Variants in TNIK observed in about 807,000 individuals in gnomAD.
TNIK encodes the protein TRAF2 and NCK-interacting protein kinase.
Under a neutral mutation model 191.3 loss-of-function variants are expected in TNIK, and 49 were observed. The observed-to-expected ratio is 0.26, with a 90% CI of 0.20 to 0.32. The LOEUF is 0.32. Among genes scored for constraint, TNIK ranks in the 10% least tolerant of loss-of-function variants. TNIK has a pLI of 1.00. For missense variants in TNIK, 1,155 were observed against 1,702.3 expected (o/e 0.68, Z 5.66); for synonymous variants, 594 against 600.9 (o/e 0.99, Z 0.17).
chr3:171,357,413 C>T (rs780095676), intron 2 of TNIK, among the ~76,000 whole-genome samples: 9 of 151,864 alleles, frequency 5.9e-5, no homozygotes, highest in African/African-American at 9.7e-5. Flanking sequence ...CTCAGCCTCC[C>T]GAGTAGCTGG....
At chr3:171,392,304 C>G (rs573732526) in intron 1 of TNIK, among the ~76,000 whole-genome samples, 12 of 152,082 alleles carry the variant, frequency 7.9e-5, no homozygotes. Context: ...AAGGGTGATT[C>G]CAGAAATTTA....
intron 1 of TNIK, among the ~76,000 whole-genome samples, chr3:171,414,116 G>A (rs1223048983): frequency 2.6e-5 from 4 of 152,010 alleles, no homozygotes; most frequent in East Asian, 1.9e-4. Context: ...TAACTTAGAC[G>A]TACCAATCCT....
chr3:171,076,564 T>C (rs973713038), intron 28 of TNIK, among the ~76,000 whole-genome samples: 3 of 152,240 alleles, frequency 2.0e-5, no homozygotes, highest in African/African-American at 2.4e-5. Flanking sequence ...ATTGTCATTC[T>C]TTATGTTAAA....
chr3:171,253,214 G>A (rs772747792), intron 2 of TNIK, among the ~76,000 whole-genome samples: 26 of 149,844 alleles, frequency 1.7e-4, no homozygotes, highest in Non-Finnish European at 2.7e-4. Flanking sequence ...AACCCAGGAG[G>A]CGGAACTTGC....
At chr3:171,218,852 CA>C (rs1347694876) in intron 3 of TNIK, among the ~76,000 whole-genome samples, 1 of 91,264 alleles carries the variant, frequency 1.1e-5, no homozygotes, top group Non-Finnish European at 1.9e-5. Context: ...ATATATATTA[CA>C]TATATTTAAT....
intron 2 of TNIK, among the ~76,000 whole-genome samples, chr3:171,319,405 G>A (rs1238305846): frequency 6.6e-6 from 1 of 152,054 alleles, no homozygotes; most frequent in Non-Finnish European, 1.5e-5. Flanking sequence ...TACAAAGAGT[G>A]TTTTTCCCCT....
intron 2 of TNIK, among the ~76,000 whole-genome samples, chr3:171,301,655 A>T (rs1752897117): frequency 6.6e-6 from 1 of 152,208 alleles, no homozygotes; most frequent in Admixed American, 6.5e-5. Flanking sequence ...TTATTAGATA[A>T]GACATAAATG....
chr3:171,066,522 T>G (rs1236213497), intron 31 of TNIK, 54 bp downstream of exon 31: 1 of 1,609,152 alleles, frequency 6.2e-7, no homozygotes, highest in African/African-American at 1.3e-5. Context: ...TTCTTGATTT[T>G]CGTTTCATTT....
At chr3:171,246,669 A>G (rs1276273909) in intron 2 of TNIK, among the ~76,000 whole-genome samples, 1 of 152,212 alleles carries the variant, frequency 6.6e-6, no homozygotes, top group African/African-American at 2.4e-5. Flanking sequence ...ATATTTTCAG[A>G]GTTCACTTAC....
chr3:171,346,937 T>C (rs1388983720), intron 2 of TNIK: 3 of 500,014 alleles, frequency 6.0e-6, no homozygotes, highest in Non-Finnish European at 1.0e-5. Flanking sequence ...AGAGACATGA[T>C]CAAATAAGCA....
chr3:171,396,602 C>T (rs1025129911), intron 1 of TNIK, among the ~76,000 whole-genome samples: 2 of 152,188 alleles, frequency 1.3e-5, no homozygotes, highest in African/African-American at 2.4e-5. Context: ...CTAAACCAAC[C>T]TATTCAGCCA....
intron 2 of TNIK, among the ~76,000 whole-genome samples, chr3:171,306,499 G>T (rs1438126234): frequency 6.6e-6 from 1 of 152,146 alleles, no homozygotes; most frequent in Non-Finnish European, 1.5e-5. Context: ...AGGAAGGCAG[G>T]TTATAGATGC....
intron 2 of TNIK, among the ~76,000 whole-genome samples, chr3:171,341,370 G>A (rs1049789521): frequency 5.3e-5 from 8 of 151,248 alleles, no homozygotes; most frequent in Non-Finnish European, 7.4e-5. Flanking sequence ...TATTTGGGAG[G>A]CTGAGGCAGG....
At chr3:171,229,431 G>A (rs544199335) in intron 2 of TNIK, among the ~76,000 whole-genome samples, 86 of 152,340 alleles carry the variant, frequency 5.6e-4, no homozygotes, top group Admixed American at 2.8e-3. Flanking sequence ...TAATTGTGGT[G>A]TGGAAAAAGT....
chr3:171,110,905 A>G, intron 18 of TNIK, 28 bp from the exon 19 acceptor site: 1 of 1,574,950 alleles, frequency 6.3e-7, no homozygotes, highest in South Asian at 1.2e-5. Flanking sequence ...CACACTGGTT[A>G]CACTCTCCAG....
chr3:171,293,610 C>T (rs1250198602), intron 2 of TNIK, among the ~76,000 whole-genome samples: 1 of 152,144 alleles, frequency 6.6e-6, no homozygotes, highest in African/African-American at 2.4e-5. Context: ...CAACAGGTCT[C>T]ATGCAAAGAA....
chr3:171,290,453 T>C lies in TNIK; in HGVS notation c.124-62232A>G, dbSNP rs369959350. Among the ~76,000 whole-genome samples the C allele has an allele frequency of 7.2e-5, 11 of 152,334 alleles. No individual in the cohort carries two copies. The South Asian group carries it at 2.3e-3, about 32-fold the overall frequency. ...ACTCTATTTTGAGTATTAAATGACA[T>C]ATCACATGTTAAGGTCTCAGTAGAG... On this transcript the variant is annotated intron_variant, in intron 2 of 32. Coordinates refer to ENST00000436636, the MANE Select transcript of TNIK (RefSeq NM_015028.4).
intron 3 of TNIK, among the ~76,000 whole-genome samples, chr3:171,226,339 A>G (rs1237527115): frequency 6.6e-6 from 1 of 152,160 alleles, no homozygotes; most frequent in East Asian, 1.9e-4. Context: ...TGCCTGCCAT[A>G]AAGTGTGATC....
In TNIK at chr3:171,071,337, A is replaced by G; in HGVS notation, c.3449-14T>C. On this transcript the variant is annotated splice_polypyrimidine_tract_variant and intron_variant, in intron 28 of 32. Coordinates refer to ENST00000436636, the MANE Select transcript of TNIK (RefSeq NM_015028.4). ...TTTCATATTTAACTGTAATAGAAAAATTATGAGTGAAAAAGTACATCAATT... is the reference window on the plus strand; with the variant it reads ...TTTCATATTTAACTGTAATAGAAAAGTTATGAGTGAAAAAGTACATCAATT... The G allele has an allele frequency of 6.5e-7, 1 of 1,532,712 alleles. No homozygotes were observed. The highest frequency in any genetic ancestry group is 8.8e-7 in the Non-Finnish European group (1 of 1,130,280). The allele number at this position is 1,532,712 out of a possible 1,614,324, so 94.9% of individuals were successfully genotyped here.
Sources: gnomAD v4.1 joint callset for allele counts (sites outside exome capture counted in the v4.1 genomes callset) on GRCh38, gnomAD v4.1.1 for gene constraint, MANE v1.5 for transcripts, NCBI Gene and HGNC (gene_info 2026-07-23, HGNC 2026-07-21) for gene names.